The following SRPRB variants were observed in gnomAD, a reference collection of about 807,000 sequenced individuals.
SRPRB encodes the protein signal recognition particle receptor subunit beta.
A neutral mutation model predicts 31.9 loss-of-function variants in SRPRB; 20 were observed. That is an observed-to-expected ratio of 0.63 (90% CI 0.44 to 0.91). The LOEUF (loss-of-function observed/expected upper bound fraction) is 0.91, where lower values mean the gene tolerates loss of function less well. Among genes scored for constraint, SRPRB ranks in the 40% least tolerant of loss-of-function variants. The pLI is 0.00. For missense variants in SRPRB, 321 were observed against 324.9 expected, an observed-to-expected ratio of 0.99 and a Z score of 0.09; for synonymous variants, 146 against 132.8, an observed-to-expected ratio of 1.10 and a Z score of -0.68.
intron 4 of SRPRB, among the ~76,000 whole-genome samples, chr3:133,815,284 T>A (rs1454568320): frequency 6.6e-6 from 1 of 152,208 alleles, no homozygotes; most frequent in Non-Finnish European, 1.5e-5. Context: ...TTTATTCCTG[T>A]TACACATGTG....
intron 1 of SRPRB, chr3:133,794,185 C>T (rs1371595942): frequency 2.0e-5 from 3 of 152,126 alleles, no homozygotes; most frequent in Non-Finnish European, 4.4e-5. Flanking sequence ...CTTCCTAAGT[C>T]GTTAAAGCTT....
downstream of SRPRB, chr3:133,824,341 C>T (rs1456765755): frequency 1.3e-5 from 2 of 152,186 alleles, no homozygotes; most frequent in Admixed American, 1.3e-4. Context: ...GTCTTCTGAG[C>T]CCATAACAGA....
chr3:133,784,468 AAAAAATAATAAT>A (rs1463214809), intron 1 of SRPRB: 9 of 83,622 alleles, frequency 1.1e-4, no homozygotes, highest in Non-Finnish European at 1.5e-4. Context: ...CCATTTGTTA[AAAAAATAATAAT>A]AATAATAATA....
intron 3 of SRPRB, among the ~76,000 whole-genome samples, chr3:133,808,577 T>G (rs1019385454): frequency 1.3e-5 from 2 of 152,180 alleles, no homozygotes; most frequent in Admixed American, 6.5e-5. Context: ...ACAGAGTATA[T>G]ATGAGTGTAT....
intron 1 of SRPRB, chr3:133,791,899 C>T (rs189772737): frequency 6.6e-6 from 1 of 152,086 alleles, no homozygotes; most frequent in African/African-American, 2.4e-5. Context: ...GAGCTTAAAT[C>T]AAATATTTTA....
At chr3:133,799,522 G>C (rs1935032037) in intron 1 of SRPRB, among the ~76,000 whole-genome samples, 1 of 152,094 alleles carries the variant, frequency 6.6e-6, no homozygotes. Context: ...TGGAAGGACA[G>C]AGAAAAAAAT....
intron 1 of SRPRB, chr3:133,792,324 T>C (rs1934861036): frequency 6.6e-6 from 1 of 152,216 alleles, no homozygotes; most frequent in South Asian, 2.1e-4. Context: ...ATGTCGTAGA[T>C]GGTCTGTGTA....
upstream of SRPRB, among the ~76,000 whole-genome samples, chr3:133,803,064 A>G (rs1022202442): frequency 1.3e-5 from 2 of 152,086 alleles, no homozygotes; most frequent in Non-Finnish European, 2.9e-5. Flanking sequence ...ACATCTCTCA[A>G]ATTTGTGCTC....
At chr3:133,786,835 C>T (rs1934699186) in intron 1 of SRPRB, 1 of 152,186 alleles carries the variant, frequency 6.6e-6, no homozygotes, top group Non-Finnish European at 1.5e-5. Context: ...AACTTCTTAC[C>T]TGAAACATCT....
chr3:133,799,200 A>T (rs1410691717), intron 1 of SRPRB, among the ~76,000 whole-genome samples: 1 of 152,188 alleles, frequency 6.6e-6, no homozygotes, highest in African/African-American at 2.4e-5. Context: ...TATGTCCTTT[A>T]TTCTTGATTG....
downstream of SRPRB, among the ~76,000 whole-genome samples, chr3:133,823,910 G>A (rs554378995): frequency 2.0e-5 from 3 of 152,298 alleles, no homozygotes; most frequent in East Asian, 5.8e-4. Context: ...CCCTAGCCAT[G>A]GCAAGCAGAG....
downstream of SRPRB, chr3:133,827,943 G>T: frequency 1.4e-6 from 1 of 702,974 alleles, no homozygotes; most frequent in Non-Finnish European, 2.6e-6. Context: ...TGGCACCCCA[G>T]TCTATAAACC....
upstream of SRPRB, among the ~76,000 whole-genome samples, chr3:133,804,474 A>C (rs1193072012): frequency 6.6e-6 from 1 of 152,254 alleles, no homozygotes; most frequent in African/African-American, 2.4e-5. Context: ...AAAATGAGTC[A>C]GATTCCATAA....
intron 1 of SRPRB, among the ~76,000 whole-genome samples, chr3:133,798,635 A>T (rs1364111026): frequency 2.0e-5 from 3 of 152,158 alleles, no homozygotes; most frequent in Non-Finnish European, 4.4e-5. Flanking sequence ...TTTCTTGACT[A>T]TCAAAATACT....
intron 3 of SRPRB, among the ~76,000 whole-genome samples, chr3:133,808,442 A>G (rs748069373): frequency 3.3e-5 from 5 of 152,116 alleles, no homozygotes; most frequent in African/African-American, 7.2e-5. Flanking sequence ...TATGAGCTGC[A>G]TAGTACTCCA....
upstream of SRPRB, among the ~76,000 whole-genome samples, chr3:133,803,407 T>C (rs1244247779): frequency 6.6e-6 from 1 of 152,232 alleles, no homozygotes; most frequent in Non-Finnish European, 1.5e-5. Flanking sequence ...TCACTCCTAC[T>C]TAAATTACTG....
intron 1 of SRPRB, among the ~76,000 whole-genome samples, chr3:133,806,280 C>T (rs1402421852): frequency 4.6e-5 from 7 of 152,244 alleles, no homozygotes; most frequent in Non-Finnish European, 1.0e-4. Flanking sequence ...CGCTGTTCCT[C>T]GCCTTCCGCT....
chr3:133,810,832 T>C (rs538069063), intron 3 of SRPRB: 1 of 281,134 alleles, frequency 3.6e-6, no homozygotes, highest in Non-Finnish European at 6.7e-6. Context: ...CCCAGACAGG[T>C]TTTTCCTGTA....
In SRPRB at chr3:133,815,606, G is replaced by T; in HGVS notation, c.427G>T (p.Val143Leu). 1 of 1,613,872 alleles carries T rather than the reference G, an allele frequency of 6.2e-7. No individual in the cohort carries two copies. Among genetic ancestry groups the T allele is most frequent in the East Asian group, 2.2e-5 (1 of 44,864 alleles). The change falls in exon 5 of 7, where the codon GTG (valine) becomes TTG (leucine). Residue 143 changes from valine to leucine, a missense_variant. By Grantham distance (32) the Val-to-Leu change is conservative (BLOSUM62 1). Coordinates refer to ENST00000678299, the MANE Select transcript of SRPRB (RefSeq NM_001379313.1). ...KSSARAIVFV[V>L]DSAAFQREVK... The stretch of plus-strand genomic sequence containing the variant: ...TCCCTCCAGGGCTATTGTGTTTGTT[G>T]TGGATAGTGCAGCATTCCAGCGAGA...
Sources: gnomAD v4.1 joint callset for allele counts (sites outside exome capture counted in the v4.1 genomes callset) on GRCh38, gnomAD v4.1.1 for gene constraint, MANE v1.5 for transcripts, NCBI Gene and HGNC (gene_info 2026-07-23, HGNC 2026-07-21) for gene names.